Variants in DPP6 observed in about 807,000 individuals in gnomAD.
The protein encoded by DPP6 is A-type potassium channel modulatory protein DPP6.
A neutral mutation model predicts 122.6 loss-of-function variants in DPP6; 69 were observed. That is an observed-to-expected ratio of 0.56 (90% CI 0.46 to 0.69). The LOEUF is 0.69. DPP6 is among the 30% of genes least tolerant of loss of function. The pLI, the probability that DPP6 is intolerant of heterozygous loss-of-function variation, is 0.00. For synonymous variants in DPP6, 418 were observed against 433.1 expected (o/e 0.97, Z 0.43); for missense variants, 928 against 1,116.9 (o/e 0.83, Z 2.41).
the DPP6 span, among the ~76,000 whole-genome samples, chr7:153,834,117 T>G: frequency 6.6e-6 from 1 of 151,890 alleles, no homozygotes; most frequent in Non-Finnish European, 1.5e-5. Context: ...CAAAACCCGG[T>G]TTCTACTAAA....
intron 4 of DPP6, among the ~76,000 whole-genome samples, chr7:154,542,873 T>C (rs1828844932): frequency 6.6e-6 from 1 of 152,218 alleles, no homozygotes; most frequent in South Asian, 2.1e-4. Flanking sequence ...ACTTAGTCAT[T>C]TAAAATTATC....
intron 7 of DPP6, among the ~76,000 whole-genome samples, chr7:154,692,416 A>C (rs1171097406): frequency 2.6e-5 from 4 of 152,230 alleles, no homozygotes; most frequent in Admixed American, 6.5e-5. Context: ...AGTAGGCCTC[A>C]ATCAATAACA....
intron 1 of DPP6, among the ~76,000 whole-genome samples, chr7:154,146,643 G>A (rs867088116): frequency 0.01 from 1,536 of 151,502 alleles, no homozygotes; most frequent in African/African-American, 0.036. Flanking sequence ...AAATGACCAC[G>A]TTTAAGAATG....
At chr7:154,185,125 T>G (rs770330894) in intron 1 of DPP6, among the ~76,000 whole-genome samples, 6 of 152,244 alleles carry the variant, frequency 3.9e-5, no homozygotes, top group Non-Finnish European at 5.9e-5. Flanking sequence ...TGCATTGTAC[T>G]GTTAAAGCAT....
chr7:154,455,814 C>G (rs1298374569), intron 2 of DPP6, among the ~76,000 whole-genome samples: 2 of 152,188 alleles, frequency 1.3e-5, no homozygotes, highest in Non-Finnish European at 2.9e-5. Context: ...GGACACTTTT[C>G]AAGTGTTGCT....
intron 1 of DPP6, among the ~76,000 whole-genome samples, chr7:154,136,729 T>C (rs1795575268): frequency 6.6e-6 from 1 of 152,236 alleles, no homozygotes; most frequent in Non-Finnish European, 1.5e-5. Flanking sequence ...ACTAAAATGT[T>C]AATAATAGAA....
chr7:153,895,732 A>G (rs200674173), intron 1 of DPP6, among the ~76,000 whole-genome samples: 1,555 of 22,630 alleles, frequency 0.069, 17 homozygotes, highest in Middle Eastern at 0.18. Flanking sequence ...ATGCGTGCAC[A>G]CACACACACA....
At chr7:154,024,800 C>G (rs1012462548) in intron 1 of DPP6, among the ~76,000 whole-genome samples, 7 of 152,230 alleles carry the variant, frequency 4.6e-5, no homozygotes, top group African/African-American at 1.7e-4. Context: ...TGCCACCTTT[C>G]TCCTCCTACT....
At chr7:153,767,146 C>T in the DPP6 span, among the ~76,000 whole-genome samples, 1 of 152,048 alleles carries the variant, frequency 6.6e-6, no homozygotes, top group African/African-American at 2.4e-5. Flanking sequence ...GTGTGAAGCC[C>T]AGAAATTCCT....
At chr7:154,570,709 T>C (rs1187311745) in intron 5 of DPP6, among the ~76,000 whole-genome samples, 1 of 152,228 alleles carries the variant, frequency 6.6e-6, no homozygotes, top group Non-Finnish European at 1.5e-5. Context: ...TATTACTAAA[T>C]GTATAGCTTG....
chr7:154,268,228 C>T (rs185390033), intron 1 of DPP6, among the ~76,000 whole-genome samples: 9 of 152,272 alleles, frequency 5.9e-5, no homozygotes, highest in East Asian at 1.9e-4. Context: ...GGAGACAAAG[C>T]TTATCTACAT....
the DPP6 span, among the ~76,000 whole-genome samples, chr7:153,806,238 T>A: frequency 6.6e-6 from 1 of 151,740 alleles, no homozygotes; most frequent in East Asian, 1.9e-4. Flanking sequence ...CCACCTTATC[T>A]CCCCTTTTAA....
At chr7:153,959,281 GTCCTAAATGAACCCCAGGTGTCCTGGTGC>G (rs143212043) in intron 1 of DPP6, among the ~76,000 whole-genome samples, 111,739 of 151,688 alleles carry the variant, frequency 0.74, 41,600 homozygotes, top group East Asian at 1. Flanking sequence ...TTACTAATGG[GTCCTAAATGAACCCCAGGTGTCCTGGTGC>G]TCACCTGTGG....
At chr7:154,868,754 A>C (rs1804112074) in intron 18 of DPP6, among the ~76,000 whole-genome samples, 1 of 152,206 alleles carries the variant, frequency 6.6e-6, no homozygotes, top group East Asian at 1.9e-4. Context: ...ATGGCTCCCA[A>C]GTCACCCGGC....
chr7:154,553,952 C>T (rs1011420784), intron 4 of DPP6, among the ~76,000 whole-genome samples: 4 of 146,160 alleles, frequency 2.7e-5, no homozygotes, highest in Non-Finnish European at 4.5e-5. Context: ...TCCTGGGGAA[C>T]GATCTGTTTC....
chr7:153,799,035 A>G, the DPP6 span, among the ~76,000 whole-genome samples: 1 of 152,222 alleles, frequency 6.6e-6, no homozygotes, highest in Non-Finnish European at 1.5e-5. Flanking sequence ...AGCTTTGCTT[A>G]CTTGGCCACC....
chr7:153,758,367 A>T, the DPP6 span, among the ~76,000 whole-genome samples: 1 of 152,352 alleles, frequency 6.6e-6, no homozygotes, highest in Non-Finnish European at 1.5e-5. Context: ...ACATTGAGGT[A>T]TAGTTGACTG....
In DPP6 at chr7:154,223,500, G is replaced by C. The variant is rs2150834047; in HGVS notation, c.243+170437G>C. Among the ~76,000 whole-genome samples, 2 of 149,518 alleles carry C rather than the reference G, an allele frequency of 1.3e-5. 1 individual carries two copies. Among genetic ancestry groups the C allele is most frequent in the African/African-American group, 5.1e-5 (2 of 39,356 alleles). On this transcript the variant is annotated intron_variant, in intron 1 of 25. Coordinates refer to ENST00000377770, the MANE Select transcript of DPP6 (RefSeq NM_130797.4). ...TGAAACCTAGGAGTTGGTGGGAGAT[G>C]CTGGTAACAGCCTCTGATAGTGGGG...
chr7:154,274,491 G>A (rs1362202946), intron 1 of DPP6, among the ~76,000 whole-genome samples: 1 of 152,110 alleles, frequency 6.6e-6, no homozygotes, highest in Non-Finnish European at 1.5e-5. Context: ...CATGGCCACT[G>A]ACCACGCTAA....
Sources: allele counts gnomAD v4.1 joint callset (sites outside exome capture counted in the v4.1 genomes callset), GRCh38; gene constraint gnomAD v4.1.1; transcripts MANE v1.5; gene names NCBI Gene and HGNC (gene_info 2026-07-23, HGNC 2026-07-21).